EYS: variants seen among roughly 807,000 people sequenced by gnomAD.
EYS encodes the protein protein eyes shut homolog.
In EYS, 250 loss-of-function variants were observed where a neutral mutation model predicts 282.1. That is an observed-to-expected ratio of 0.89 (90% confidence interval 0.80 to 0.98). The LOEUF (loss-of-function observed/expected upper bound fraction) is 0.98. EYS is among the 50% of genes least tolerant of loss of function. EYS has a pLI of 0.00. For synonymous variants in EYS, 1,355 were observed against 1,282.9 expected (o/e 1.06, Z -1.20); for missense variants, 4,016 against 3,709.0 (o/e 1.08, Z -2.15).
intron 18 of EYS, among the ~76,000 whole-genome samples, chr6:64,897,313 G>T (rs1009283127): frequency 6.6e-6 from 1 of 152,042 alleles, no homozygotes; most frequent in Non-Finnish European, 1.5e-5. Context: ...AGGCAAACAG[G>T]GTCCGCAGTG....
chr6:63,904,792 A>G (rs1234101478), intron 35 of EYS, among the ~76,000 whole-genome samples: 3 of 152,234 alleles, frequency 2.0e-5, no homozygotes, highest in Non-Finnish European at 4.4e-5. Flanking sequence ...AAGCCTCTCC[A>G]AATTGCAAAG....
chr6:65,580,891 A>G (rs1282099187), intron 2 of EYS, among the ~76,000 whole-genome samples: 1 of 152,070 alleles, frequency 6.6e-6, no homozygotes, highest in African/African-American at 2.4e-5. Context: ...TAAGCCTGAA[A>G]TATAGATAAT....
chr6:63,984,305 A>G, intron 35 of EYS, 78 bp downstream of exon 35: 2 of 1,017,606 alleles, frequency 2.0e-6, no homozygotes, highest in Non-Finnish European at 1.5e-6. Flanking sequence ...CTCTCAGAGG[A>G]CAATACTGCT....
At chr6:65,362,051 T>G (rs1246721014) in intron 8 of EYS, among the ~76,000 whole-genome samples, 1 of 80,822 alleles carries the variant, frequency 1.2e-5, no homozygotes, top group Non-Finnish European at 2.8e-5. Context: ...GTTCTTCCCA[T>G]ATTTTCATTT....
At chr6:65,501,576 G>C (rs1263727651) in intron 2 of EYS, among the ~76,000 whole-genome samples, 2 of 151,850 alleles carry the variant, frequency 1.3e-5, no homozygotes, top group South Asian at 2.1e-4. Flanking sequence ...CTGGAGTAAA[G>C]AATGACACTT....
At chr6:64,754,399 C>T (rs529729446) in intron 22 of EYS, among the ~76,000 whole-genome samples, 1 of 152,124 alleles carries the variant, frequency 6.6e-6, no homozygotes, top group East Asian at 1.9e-4. Flanking sequence ...CAGCTGATGC[C>T]ACCAGACATA....
chr6:65,675,331 A>G lies in EYS; in HGVS notation c.-448+31804T>C, dbSNP rs141486610. ...ACAGAGTAGCTAAACAGATTAAGAT[A>G]AAAACCAAAACCATGATTTAACTAT... On this transcript the variant is annotated intron_variant, in intron 1 of 42. Coordinates refer to ENST00000503581, the MANE Select transcript of EYS (RefSeq NM_001142800.2). Among the ~76,000 whole-genome samples, 1,233 of 152,020 alleles carry G rather than the reference A, an allele frequency of 8.1e-3. 15 individuals are homozygous for G. Among genetic ancestry groups the G allele is most frequent in the African/African-American group, 0.028 (1,161 of 41,538 alleles).
intron 22 of EYS, among the ~76,000 whole-genome samples, chr6:64,676,316 C>CTA (rs199984162): frequency 0.15 from 18,377 of 118,914 alleles, 1,448 homozygotes; most frequent in Non-Finnish European, 0.22. Flanking sequence ...TCCAATATAT[C>CTA]TATATATATA....
chr6:65,333,479 G>T (rs1769869293), intron 11 of EYS, among the ~76,000 whole-genome samples: 1 of 151,592 alleles, frequency 6.6e-6, no homozygotes, highest in African/African-American at 2.4e-5. Context: ...CTTGGAGAGT[G>T]TGCCATGTAC....
At chr6:65,422,809 CAT>C (rs143939038) in intron 5 of EYS, among the ~76,000 whole-genome samples, 17 of 150,192 alleles carry the variant, frequency 1.1e-4, no homozygotes, top group African/African-American at 3.4e-4. Flanking sequence ...TATAGAGAGA[CAT>C]ATATATATAT....
At chr6:63,947,731 G>T (rs1032005770) in intron 35 of EYS, among the ~76,000 whole-genome samples, 2 of 151,972 alleles carry the variant, frequency 1.3e-5, no homozygotes, top group Admixed American at 6.6e-5. Flanking sequence ...TGTCCTAATC[G>T]CATAATAAGC....
At chr6:65,062,665 T>G (rs1481214760) in intron 12 of EYS, among the ~76,000 whole-genome samples, 1 of 151,918 alleles carries the variant, frequency 6.6e-6, no homozygotes, top group African/African-American at 2.4e-5. Flanking sequence ...ACACTGAACT[T>G]CTTTAGATTA....
At chr6:64,620,624 C>T (rs1012344595) in intron 23 of EYS, among the ~76,000 whole-genome samples, 3 of 152,098 alleles carry the variant, frequency 2.0e-5, no homozygotes, top group Non-Finnish European at 4.4e-5. Flanking sequence ...TGAATAGGTG[C>T]TTATTCTGGT....
chr6:64,807,791 C>T (rs189733471), intron 22 of EYS, among the ~76,000 whole-genome samples: 1 of 152,196 alleles, frequency 6.6e-6, no homozygotes, highest in East Asian at 1.9e-4. Flanking sequence ...ATCTAAGTAA[C>T]TGTTTATCTA....
At chr6:65,289,331 A>T (rs1768457009) in intron 12 of EYS, among the ~76,000 whole-genome samples, 1 of 151,016 alleles carries the variant, frequency 6.6e-6, no homozygotes, top group Admixed American at 6.6e-5. Flanking sequence ...GTGTGTATGT[A>T]TATACATTTA....
chr6:64,144,938 T>A (rs918840873), intron 31 of EYS, among the ~76,000 whole-genome samples: 1 of 152,190 alleles, frequency 6.6e-6, no homozygotes, highest in Admixed American at 6.5e-5. Flanking sequence ...TTTGTGTATC[T>A]CTAGCTAGCA....
chr6:63,734,965 A>C (rs1768872329), intron 41 of EYS, among the ~76,000 whole-genome samples: 1 of 152,150 alleles, frequency 6.6e-6, no homozygotes, highest in East Asian at 1.9e-4. Flanking sequence ...CTTGTCAAAA[A>C]CACACAAAAT....
chr6:64,933,704 T>C (rs1299030339), intron 15 of EYS, among the ~76,000 whole-genome samples: 1 of 152,128 alleles, frequency 6.6e-6, no homozygotes, highest in Non-Finnish European at 1.5e-5. Context: ...TGCAACACTG[T>C]TCACAAAGCA....
chr6:65,258,416 T>G (rs1256365053), intron 12 of EYS, among the ~76,000 whole-genome samples: 1 of 152,060 alleles, frequency 6.6e-6, no homozygotes, highest in Non-Finnish European at 1.5e-5. Flanking sequence ...GGATACAGGA[T>G]TCCTGTGAAG....
Sources: allele counts gnomAD v4.1 joint callset (sites outside exome capture counted in the v4.1 genomes callset), GRCh38; gene constraint gnomAD v4.1.1; transcripts MANE v1.5; gene names NCBI Gene and HGNC (gene_info 2026-07-23, HGNC 2026-07-21).